Variants in WFS1 observed in about 807,000 individuals in gnomAD.
WFS1 encodes wolframin.
A neutral mutation model predicts 68.5 loss-of-function variants in WFS1; 90 were observed. That is an observed-to-expected ratio of 1.31 (90% CI 1.11 to 1.56). WFS1 has a LOEUF of 1.56. Among genes scored for constraint, WFS1 ranks in the 40% most tolerant of loss-of-function variants. The pLI, the probability that WFS1 is intolerant of heterozygous loss-of-function variation, is 0.00. For missense variants in WFS1, 1,767 were observed against 1,232.6 expected (o/e 1.43, Z -6.49); for synonymous variants, 860 against 540.7 (o/e 1.59, Z -8.19).
rs5018647 is a variant in WFS1 at position 6,291,072 on chromosome 4, A to C, written c.461-125A>C. On this transcript the variant is annotated intron_variant, in intron 4 of 7. Transcript: ENST00000226760. Reference sequence around the variant, plus strand: ...AGATGTCCATGCATCCTTCCCTGGTAACCAAGTCCTGACACCTTCTATGAG... The same window carrying C: ...AGATGTCCATGCATCCTTCCCTGGTCACCAAGTCCTGACACCTTCTATGAG... The C allele has an allele frequency of 0.6, 659,494 of 1,098,338 alleles. 202,603 individuals are homozygous for C. Among genetic ancestry groups the C allele is most frequent in the East Asian group, 0.96 (38,057 of 39,628 alleles). 68.0% of individuals were successfully genotyped at this position (1,098,338 alleles called of 1,614,324 possible).
At chr4:6,292,385 G>A (rs1730491387) in intron 6 of WFS1, among the ~76,000 whole-genome samples, 1 of 151,978 alleles carries the variant, frequency 6.6e-6, no homozygotes, top group South Asian at 2.1e-4. Flanking sequence ...CCGGGCAGAG[G>A]GAACAGCATG....
At chr4:6,291,499 T>TCCTCACAGG in intron 5 of WFS1, 132 bp downstream of exon 5, 6 of 1,259,874 alleles carry the variant, frequency 4.8e-6, no homozygotes, top group Non-Finnish European at 6.7e-6. Context: ...ACCTTCCCTG[T>TCCTCACAGG]GAGGACAGGG....
In WFS1 at chr4:6,301,586, C is replaced by T. The variant is rs141883293; in HGVS notation, c.1791C>T (p.Ile597=). 54 of 1,614,064 alleles carry T rather than the reference C, an allele frequency of 3.3e-5. No homozygotes were observed. The highest frequency in any genetic ancestry group is 2.0e-4 in the African/African-American group (15 of 74,950). Residue 597 remains isoleucine, a synonymous_variant, in exon 8 of 8, where the codon ATC becomes ATT. Transcript: ENST00000226760. ...RWFTSLELTK[I]AVTVAVCSVP... ...TCACGTCTCTGGAGCTCACCAAGAT[C>T]GCAGTCACCGTGGCGGTCTGTAGTG...
intron 7 of WFS1, among the ~76,000 whole-genome samples, chr4:6,299,958 C>T (rs367686636): frequency 1.7e-4 from 25 of 149,082 alleles, no homozygotes; most frequent in East Asian, 1.2e-3. Flanking sequence ...GGGTGGGTTG[C>T]GTGTGTGTGT....
chr4:6,286,824 C>A (rs1730322682), intron 2 of WFS1, among the ~76,000 whole-genome samples: 1 of 152,172 alleles, frequency 6.6e-6, no homozygotes, highest in Non-Finnish European at 1.5e-5. Context: ...TCCCATGCCT[C>A]CCACCCCGAG....
rs1361415696 is a variant in WFS1 at position 6,300,644 on chromosome 4, A to G, written c.862-13A>G. ...TGTCCCAGCCTCGTTCCCACGTACC[A>G]TCTTTCCCCCAGGTGGTCAAGTACC... On this transcript the variant is annotated splice_polypyrimidine_tract_variant and intron_variant, in intron 7 of 7. Coordinates refer to ENST00000226760, the MANE Select transcript of WFS1 (RefSeq NM_006005.3). 7 of 1,613,804 alleles carry G rather than the reference A, an allele frequency of 4.3e-6. No individual in the cohort carries two copies. Among genetic ancestry groups the G allele is most frequent in the Non-Finnish European group, 5.9e-6 (7 of 1,179,860 alleles).
intron 1 of WFS1, among the ~76,000 whole-genome samples, chr4:6,270,466 T>G (rs1729770250): frequency 1.3e-5 from 2 of 151,444 alleles, no homozygotes; most frequent in Admixed American, 6.6e-5. Flanking sequence ...GGAGGTGTTG[T>G]GGGGGGGAAG....
rs779714048 is a variant in WFS1 at position 6,287,227 on chromosome 4, A to G, written c.315+52A>G. On this transcript the variant is annotated intron_variant, in intron 3 of 7. Coordinates refer to ENST00000226760, the MANE Select transcript of WFS1 (RefSeq NM_006005.3). The surrounding 1 kb of genome is among the most constrained non-coding windows in gnomAD (Gnocchi z 6.4). ...TTCGGGACGCGGCCCCCGGCACAAC[A>G]GGCCTGGCCACGAGCTCCACAGCCC... 6.8e-7 allele frequency: 1 copy of G among 1,481,042 alleles called. No homozygotes were observed. Among genetic ancestry groups the G allele is most frequent in the South Asian group, 1.2e-5 (1 of 82,626 alleles). 91.7% of individuals were successfully genotyped at this position (1,481,042 alleles called of 1,614,324 possible).
chr4:6,274,549 C>G (rs951221584), intron 1 of WFS1, among the ~76,000 whole-genome samples: 11 of 152,096 alleles, frequency 7.2e-5, no homozygotes, highest in African/African-American at 2.4e-4. Flanking sequence ...AGGGAGGGCT[C>G]TGATGGAGAG....
intron 1 of WFS1, among the ~76,000 whole-genome samples, chr4:6,270,582 C>CCCTT (rs1729806978): frequency 6.6e-6 from 1 of 152,206 alleles, no homozygotes; most frequent in Non-Finnish European, 1.5e-5. Flanking sequence ...TCCTCTCTCT[C>CCCTT]TCGGGGCCCC....
In WFS1 at chr4:6,301,014, C is replaced by G. The variant is rs151244358; in HGVS notation, c.1219C>G (p.His407Asp). The G allele has an allele frequency of 1.2e-6, 2 of 1,614,070 alleles. No homozygotes were observed. Among genetic ancestry groups the G allele is most frequent in the African/African-American group, 1.3e-5 (1 of 75,060 alleles). Residue 407 changes from histidine (H) to aspartate (D), a missense_variant, in exon 8 of 8, where the codon CAT becomes GAT. Coordinates refer to ENST00000226760, the MANE Select transcript of WFS1 (RefSeq NM_006005.3). ...FGWNHLEPYA[H>D]FLLSVFFVIF... The stretch of plus-strand genomic sequence containing the variant: ...CTGGAACCACCTGGAGCCCTATGCC[C>G]ATTTCCTGCTCTCTGTCTTCTTCGT...
rs369704678 is a variant in WFS1, at chr4:6,289,142, G to A, written c.460+11G>A. ...TGGCGGACAGAAGAGGTGGGTCTGT[G>A]TGAGGCTTAGAACAGCCTCTGGAGG... On this transcript the variant is annotated intron_variant, in intron 4 of 7. Transcript: ENST00000226760. 2 of 1,569,066 alleles carry A rather than the reference G, an allele frequency of 1.3e-6. No individual in the cohort carries two copies. The highest frequency in any genetic ancestry group is 1.4e-5 in the African/African-American group (1 of 73,996).
chr4:6,272,838 A>G (rs1729877258), intron 1 of WFS1, among the ~76,000 whole-genome samples: 1 of 152,192 alleles, frequency 6.6e-6, no homozygotes, highest in Admixed American at 6.5e-5. Flanking sequence ...CTGCCTTAAC[A>G]GTGTTAGGCC....
In WFS1 at chr4:6,301,440, C is replaced by T. The variant is rs1801211; in HGVS notation, c.1645C>T (p.Leu549=). The T allele has an allele frequency of 6.2e-7, 1 of 1,612,372 alleles. No homozygotes were observed. The highest frequency in any genetic ancestry group is 1.3e-5 in the African/African-American group (1 of 74,950). The change falls in exon 8 of 8, where the codon CTG becomes TTG. Residue 549 remains leucine, a synonymous_variant. Transcript: ENST00000226760. ...GTGTGAGCTCTCCGTGGTCATCCTG[C>T]TGGAGTCCACCGGCCTGGGGCTGCT... ...MWCELSVVIL[L]ESTGLGLLRA...
Position 6,301,784 on chromosome 4 carries a change from A to C in WFS1, c.1989A>C (p.Thr663=). 1.2e-6 allele frequency: 2 copies of C among 1,613,458 alleles called. No individual in the cohort carries two copies. The highest frequency in any genetic ancestry group is 1.7e-6 in the Non-Finnish European group (2 of 1,180,010). Residue 663 remains threonine (T), a synonymous_variant, in exon 8 of 8, where the codon ACA becomes ACC. Transcript: ENST00000226760. ...RSEGMKVYNS[T]LTWQQYGALC... ...AGGGCATGAAGGTCTACAACTCCAC[A>C]CTGACCTGGCAGCAGTATGGTGCGC...
At chr4:6,274,566 G>A (rs528848692) in intron 1 of WFS1, among the ~76,000 whole-genome samples, 238 of 152,206 alleles carry the variant, frequency 1.6e-3, no homozygotes, top group Non-Finnish European at 2.4e-3. Flanking sequence ...AGAGGTGATC[G>A]CCTGAGTGCT....
chr4:6,270,084 T>A (rs1425691068), intron 1 of WFS1, 70 bp downstream of exon 1: 2 of 132,320 alleles, frequency 1.5e-5, no homozygotes, highest in Non-Finnish European at 3.2e-5. Context: ...GCAAGAGCCC[T>A]GAGGCACTGT....
chr4:6,291,360 C>T lies in WFS1; in HGVS notation c.624C>T (p.Asn208=), dbSNP rs759492466. 2.0e-5 allele frequency: 33 copies of T among 1,612,572 alleles called. No individual in the cohort carries two copies. The Admixed American group carries it at 2.5e-4, about 12-fold the overall frequency. The change falls in exon 5 of 8, where the codon AAC becomes AAT. Residue 208 remains asparagine (N), a synonymous_variant. Coordinates refer to ENST00000226760, the MANE Select transcript of WFS1 (RefSeq NM_006005.3). The part of the protein sequence containing the change: ...AELLENVGQV[N]EHDGGAQPGP... ...TGCTGGAGAATGTCGGCCAGGTCAA[C>T]GAGCACGGTGCGAGGATTCACCCTG...
At chr4:6,299,851 G>T (rs1209720114) in intron 7 of WFS1, among the ~76,000 whole-genome samples, 8 of 141,250 alleles carry the variant, frequency 5.7e-5, no homozygotes, top group African/African-American at 2.2e-4. Context: ...GGTGGGTTGT[G>T]TGAATGCGTG....
Sources: allele counts gnomAD v4.1 joint callset (sites outside exome capture counted in the v4.1 genomes callset), GRCh38; gene constraint gnomAD v4.1.1; non-coding constraint Gnocchi (gnomAD v3.1); transcripts MANE v1.5; gene names NCBI Gene and HGNC (gene_info 2026-07-23, HGNC 2026-07-21).